The following TPD52 variants were observed in gnomAD, a reference collection of about 807,000 sequenced individuals.
TPD52 encodes the protein prostate and colon associated protein.
TPD52 carries 17 observed loss-of-function variants against 31.3 expected under a neutral mutation model. The ratio of observed to expected loss-of-function variants is 0.54; its 90% CI spans 0.37 to 0.82. TPD52 has a LOEUF of 0.82. TPD52 is among the 40% of genes least tolerant of loss of function. The probability of loss-of-function intolerance (pLI) is 0.00; values close to 1 mark genes in which losing one functional copy is unlikely to be tolerated. For missense variants in TPD52, 212 were observed against 240.1 expected (o/e 0.88, Z 0.77); for synonymous variants, 83 against 89.6 (o/e 0.93, Z 0.42).
Position 80,034,934 on chromosome 8 carries a change from ACTCT to A in TPD52, c.*3178_*3181del, listed in dbSNP as rs1170262050. The A allele has an allele frequency of 6.6e-6, 1 of 151,540 alleles. No homozygotes were observed. Among genetic ancestry groups the A allele is most frequent in the East Asian group, 1.9e-4 (1 of 5,194 alleles). The allele number at this position is 151,540 out of a possible 1,614,324, so 9.4% of individuals were successfully genotyped here. A position where few individuals can be genotyped will look rare whatever the true frequency, so the allele number is the denominator to read the frequency against. On this transcript the variant is annotated 3_prime_UTR_variant, in exon 8 of 8. Transcript: ENST00000518937. ...GCAGGCAAAAGCACTTGCAGACCCG[ACTCT>A]CTGAGAACTTACAAACAAAAAGTGA...
intron 1 of TPD52, chr8:80,127,531 A>G (rs1808700632): frequency 6.6e-6 from 1 of 152,160 alleles, no homozygotes; most frequent in South Asian, 2.1e-4. Flanking sequence ...TTTTTCTCTA[A>G]TTCTATAATT....
intron 1 of TPD52, among the ~76,000 whole-genome samples, chr8:80,079,668 C>T (rs887043350): frequency 3.3e-5 from 5 of 152,132 alleles, no homozygotes; most frequent in African/African-American, 9.7e-5. Context: ...GGGACCCAGC[C>T]GGGAGGATGG....
chr8:80,159,930 C>A (rs1346522574), intron 1 of TPD52, among the ~76,000 whole-genome samples: 2 of 152,202 alleles, frequency 1.3e-5, no homozygotes, highest in Admixed American at 6.5e-5. Flanking sequence ...GTGGCTCATA[C>A]CTGTAATCCC....
intron 1 of TPD52, among the ~76,000 whole-genome samples, chr8:80,114,263 CT>C (rs1807706408): frequency 6.6e-6 from 1 of 151,996 alleles, no homozygotes; most frequent in Non-Finnish European, 1.5e-5. Context: ...AATCACAACT[CT>C]GCCTTTCTCC....
At chr8:80,080,285 C>A (rs1202200745) in intron 1 of TPD52, 1 of 1,604,390 alleles carries the variant, frequency 6.2e-7, no homozygotes, top group Admixed American at 1.7e-5. Context: ...TTATTCCAAG[C>A]AAACTTAACT....
downstream of TPD52, among the ~76,000 whole-genome samples, chr8:80,031,206 G>GA (rs907883119): frequency 6.6e-6 from 1 of 152,308 alleles, no homozygotes; most frequent in Admixed American, 6.5e-5. Context: ...TACTTCGAGA[G>GA]AAAGAATTTT....
At chr8:80,153,874 A>T (rs1259394734) in intron 1 of TPD52, among the ~76,000 whole-genome samples, 1 of 152,028 alleles carries the variant, frequency 6.6e-6, no homozygotes, top group African/African-American at 2.4e-5. Context: ...CCTAGGAAAC[A>T]CTCCTTCAAT....
intron 1 of TPD52, among the ~76,000 whole-genome samples, chr8:80,124,140 G>C (rs1232892954): frequency 1.3e-5 from 2 of 150,764 alleles, no homozygotes; most frequent in East Asian, 3.9e-4. Flanking sequence ...CCAAAGAAGG[G>C]GTTATCAGCA....
intron 1 of TPD52, among the ~76,000 whole-genome samples, chr8:80,164,927 AG>A (rs1434179819): frequency 4.1e-4 from 55 of 133,026 alleles, no homozygotes; most frequent in Non-Finnish European, 6.4e-4. Flanking sequence ...AAAAAAAAAA[AG>A]AGCTATTAGT....
At chr8:80,165,872 G>C (rs62516133) in intron 1 of TPD52, among the ~76,000 whole-genome samples, 3 of 133,064 alleles carry the variant, frequency 2.3e-5, no homozygotes, top group Non-Finnish European at 4.8e-5. Context: ...CCTAGGCCTC[G>C]CCAGAAACCC....
intron 1 of TPD52, among the ~76,000 whole-genome samples, chr8:80,162,234 A>G (rs986531141): frequency 6.6e-6 from 1 of 152,188 alleles, no homozygotes; most frequent in Non-Finnish European, 1.5e-5. Context: ...CCAAAATGTC[A>G]CCTGGAAAAT....
chr8:80,107,523 G>T (rs1427047644), intron 1 of TPD52, among the ~76,000 whole-genome samples: 1 of 152,252 alleles, frequency 6.6e-6, no homozygotes, highest in Non-Finnish European at 1.5e-5. Flanking sequence ...CTTTTAATAA[G>T]TGACTCAAAC....
At chr8:80,073,771 G>A (rs1563600518) in intron 1 of TPD52, among the ~76,000 whole-genome samples, 1 of 152,068 alleles carries the variant, frequency 6.6e-6, no homozygotes, top group Non-Finnish European at 1.5e-5. Flanking sequence ...ACCTAGAAAG[G>A]TTTTTCTATT....
chr8:80,143,462 GACCAAAACTC>G (rs1809976789), intron 1 of TPD52, among the ~76,000 whole-genome samples: 2 of 152,116 alleles, frequency 1.3e-5, no homozygotes, highest in South Asian at 4.1e-4. Flanking sequence ...ATTTCTCTTT[GACCAAAACTC>G]ATTAAAACTT....
intron 4 of TPD52, 54 bp downstream of exon 4, chr8:80,051,473 T>C (rs1430530996): frequency 2.6e-6 from 4 of 1,530,050 alleles, no homozygotes; most frequent in Admixed American, 1.7e-5. Flanking sequence ...GCAACAACAA[T>C]AACATTTTAA....
intron 1 of TPD52, among the ~76,000 whole-genome samples, chr8:80,066,386 A>G (rs752129010): frequency 4.5e-4 from 68 of 152,332 alleles, no homozygotes; most frequent in East Asian, 3.3e-3. Flanking sequence ...AACACAAAAA[A>G]TTCAAAAACC....
intron 1 of TPD52, among the ~76,000 whole-genome samples, chr8:80,066,180 C>A (rs892523721): frequency 7.9e-5 from 12 of 152,222 alleles, no homozygotes; most frequent in Non-Finnish European, 1.8e-4. Flanking sequence ...AGCGTCGCAG[C>A]AAGCATTAGA....
At chr8:80,065,931 C>T (rs922562981) in intron 1 of TPD52, among the ~76,000 whole-genome samples, 9 of 125,850 alleles carry the variant, frequency 7.2e-5, no homozygotes, top group Non-Finnish European at 1.4e-4. Flanking sequence ...CCTCTGGCAA[C>T]AGATTTTTTT....
At chr8:80,042,215 A>G (rs1165457100) in intron 7 of TPD52, 2 of 985,354 alleles carry the variant, frequency 2.0e-6, no homozygotes, top group Non-Finnish European at 2.4e-6. Flanking sequence ...ATAATAGCAC[A>G]TACATCTATC....
Sources: allele counts gnomAD v4.1 joint callset (sites outside exome capture counted in the v4.1 genomes callset), GRCh38; gene constraint gnomAD v4.1.1; transcripts MANE v1.5; gene names NCBI Gene and HGNC (gene_info 2026-07-23, HGNC 2026-07-21).